Variants in TCF12 observed in about 807,000 individuals in gnomAD.
TCF12 encodes transcription factor 12.
Under a neutral mutation model 86.0 loss-of-function variants are expected in TCF12, and 45 were observed. The ratio of observed to expected loss-of-function variants is 0.52; its 90% CI spans 0.41 to 0.67. The LOEUF is 0.67. TCF12 is among the 30% of genes least tolerant of loss of function. TCF12 has a pLI of 0.00. For synonymous variants in TCF12, 330 were observed against 299.6 expected (o/e 1.10, Z -1.05); for missense variants, 881 against 859.9 (o/e 1.02, Z -0.31).
chr15:57,073,756 G>C, intron 4 of TCF12, among the ~76,000 whole-genome samples: 1 of 152,060 alleles, frequency 6.6e-6, no homozygotes, highest in East Asian at 1.9e-4. Context: ...TTGTTTGTTT[G>C]TTTGTTTTTT....
chr15:57,244,379 G>A (rs1188490479), intron 13 of TCF12, among the ~76,000 whole-genome samples: 1 of 152,120 alleles, frequency 6.6e-6, no homozygotes, highest in African/African-American at 2.4e-5. Context: ...AAATTCTTGG[G>A]AATGATGTGG....
At chr15:56,986,055 A>AATAAG (rs2063164649) in intron 3 of TCF12, among the ~76,000 whole-genome samples, 1 of 152,122 alleles carries the variant, frequency 6.6e-6, no homozygotes, top group South Asian at 2.1e-4. Context: ...TACAATTTGA[A>AATAAG]ACTTGAAATA....
At chr15:57,200,845 A>G (rs1462586970) in intron 8 of TCF12, among the ~76,000 whole-genome samples, 1 of 152,192 alleles carries the variant, frequency 6.6e-6, no homozygotes, top group East Asian at 1.9e-4. Flanking sequence ...ACTAAGCTGT[A>G]TTAAATATCA....
At chr15:57,090,662 G>A (rs1455997498) in intron 4 of TCF12, among the ~76,000 whole-genome samples, 3 of 152,116 alleles carry the variant, frequency 2.0e-5, no homozygotes, top group African/African-American at 7.2e-5. Flanking sequence ...CCTGCAGTCT[G>A]GGGAATGATA....
At chr15:57,174,324 C>G (rs1450934909) in intron 6 of TCF12, among the ~76,000 whole-genome samples, 1 of 152,158 alleles carries the variant, frequency 6.6e-6, no homozygotes, top group African/African-American at 2.4e-5. Flanking sequence ...ACAATGTGAT[C>G]ATTTCCATAG....
At chr15:56,979,687 A>G (rs1361920488) in intron 3 of TCF12, among the ~76,000 whole-genome samples, 3 of 152,224 alleles carry the variant, frequency 2.0e-5, no homozygotes, top group Non-Finnish European at 2.9e-5. Flanking sequence ...TGCTTTCCTT[A>G]GAAGAAAAAA....
At chr15:57,103,963 A>G (rs1165059063) in intron 5 of TCF12, among the ~76,000 whole-genome samples, 1 of 152,122 alleles carries the variant, frequency 6.6e-6, no homozygotes, top group Non-Finnish European at 1.5e-5. Flanking sequence ...AACCAAAATC[A>G]CGCCACTGCA....
intron 3 of TCF12, among the ~76,000 whole-genome samples, chr15:57,006,215 C>G (rs2064363396): frequency 1.3e-5 from 2 of 152,042 alleles, no homozygotes; most frequent in Non-Finnish European, 2.9e-5. Context: ...TTTAAAATTC[C>G]ATGTTGAGAT....
At chr15:57,067,492 TC>T (rs1250706610) in intron 4 of TCF12, among the ~76,000 whole-genome samples, 1 of 114,330 alleles carries the variant, frequency 8.7e-6, no homozygotes, top group Non-Finnish European at 1.6e-5. Flanking sequence ...GTGAGCCAGA[TC>T]CCGCCACTGC....
chr15:57,159,559 A>G (rs2054349866), intron 5 of TCF12, among the ~76,000 whole-genome samples: 1 of 152,224 alleles, frequency 6.6e-6, no homozygotes, highest in Non-Finnish European at 1.5e-5. Context: ...AGGATTTCAT[A>G]TTGTTTCTCT....
chr15:57,122,487 T>C (rs1307843665), intron 5 of TCF12, among the ~76,000 whole-genome samples: 1 of 152,218 alleles, frequency 6.6e-6, no homozygotes, highest in African/African-American at 2.4e-5. Flanking sequence ...TTTAACAGCA[T>C]TATTTTATGG....
chr15:57,143,591 G>C (rs969188567), intron 5 of TCF12, among the ~76,000 whole-genome samples: 33 of 152,280 alleles, frequency 2.2e-4, no homozygotes, highest in African/African-American at 7.2e-4. Flanking sequence ...TAGGTTTTAA[G>C]CTGGGTTGTA....
chr15:57,052,814 G>C (rs1429364274), intron 3 of TCF12, among the ~76,000 whole-genome samples: 3 of 152,106 alleles, frequency 2.0e-5, no homozygotes, highest in Admixed American at 6.6e-5. Context: ...CTGTTAATTT[G>C]AGACATGTTA....
At chr15:57,160,099 G>T (rs1174788640) in intron 5 of TCF12, among the ~76,000 whole-genome samples, 1 of 152,210 alleles carries the variant, frequency 6.6e-6, no homozygotes, top group African/African-American at 2.4e-5. Flanking sequence ...GGTGTTGAAG[G>T]CAGAGTGAAA....
At chr15:57,062,966 TC>T (rs2141715846) in intron 3 of TCF12, among the ~76,000 whole-genome samples, 1 of 152,174 alleles carries the variant, frequency 6.6e-6, no homozygotes, top group South Asian at 2.1e-4. Context: ...TTAAGAGATC[TC>T]CAAGTCTTCC....
At chr15:57,075,790 C>CTTTT (rs1491306568) in intron 4 of TCF12, among the ~76,000 whole-genome samples, 1 of 58,216 alleles carries the variant, frequency 1.7e-5, no homozygotes, top group African/African-American at 7.5e-5. Context: ...TTCTTTCTTT[C>CTTTT]TTTCTTTCTT....
At chr15:56,972,301 C>G (rs1235109577) in intron 3 of TCF12, among the ~76,000 whole-genome samples, 3 of 152,102 alleles carry the variant, frequency 2.0e-5, no homozygotes, top group South Asian at 2.1e-4. Context: ...GGGCATTCAC[C>G]CTGAAGATTT....
At chr15:57,236,122 C>T (rs2059370543) in intron 12 of TCF12, among the ~76,000 whole-genome samples, 1 of 152,154 alleles carries the variant, frequency 6.6e-6, no homozygotes, top group African/African-American at 2.4e-5. Flanking sequence ...TCATTTCTGT[C>T]ATAGCTGACG....
At chr15:57,180,295 C>CT (rs2056245135) in intron 6 of TCF12, among the ~76,000 whole-genome samples, 1 of 152,076 alleles carries the variant, frequency 6.6e-6, no homozygotes, top group Admixed American at 6.6e-5. Context: ...TTGGGTTACT[C>CT]TGTCATAATC....
Sources: allele counts gnomAD v4.1 joint callset (sites outside exome capture counted in the v4.1 genomes callset), GRCh38; gene constraint gnomAD v4.1.1; transcripts MANE v1.5; gene names NCBI Gene and HGNC (gene_info 2026-07-23, HGNC 2026-07-21).